Variants in RALYL observed in about 807,000 individuals in gnomAD.
RALYL encodes RNA-binding Raly-like protein.
A neutral mutation model predicts 35.1 loss-of-function variants in RALYL; 29 were observed. The ratio of observed to expected loss-of-function variants is 0.83; its 90% CI spans 0.61 to 1.13. The LOEUF (loss-of-function observed/expected upper bound fraction) is 1.13, where lower values mean the gene tolerates loss of function less well. Ranked by LOEUF, RALYL falls within the 50% of genes most tolerant of loss-of-function variation. RALYL has a pLI of 0.00. For synonymous variants in RALYL, 120 were observed against 127.6 expected (o/e 0.94, Z 0.40); for missense variants, 359 against 360.4 (o/e 1.00, Z 0.03).
intron 1 of RALYL, among the ~76,000 whole-genome samples, chr8:84,428,300 G>T (rs963116320): frequency 1.3e-5 from 2 of 152,106 alleles, no homozygotes; most frequent in African/African-American, 4.8e-5. Context: ...TAGCCAGATG[G>T]TCGTTAATCA....
chr8:84,473,443 T>G (rs2053032704), intron 1 of RALYL, among the ~76,000 whole-genome samples: 1 of 151,852 alleles, frequency 6.6e-6, no homozygotes, highest in South Asian at 2.1e-4. Context: ...TGAAAGTGAA[T>G]TCATGTAATT....
Position 84,774,609 on chromosome 8 carries a change from A to G in RALYL, c.287A>G (p.Tyr96Cys). ...DINMAGEPKP[Y>C]RPKPGNKRPL... is the part of the protein sequence containing the mutation. ...AACATGGCAGGAGAGCCCAAACCATACAGACCAAAACCTGGAAACAAGAGG... is the reference window on the plus strand; with the variant it reads ...AACATGGCAGGAGAGCCCAAACCATGCAGACCAAAACCTGGAAACAAGAGG... Residue 96 changes from tyrosine to cysteine, a missense_variant, in exon 3 of 9, where the codon TAC becomes TGC. Physicochemically the swap from Tyr to Cys is radical, Grantham distance 194. Transcript: ENST00000521268. 6.2e-7 allele frequency: 1 copy of G among 1,609,080 alleles called. No homozygotes were observed. Among genetic ancestry groups the G allele is most frequent in the South Asian group, 1.1e-5 (1 of 89,978 alleles).
In RALYL at chr8:84,732,907, T is replaced by C. The variant is rs1291870944; in HGVS notation, c.257-41672T>C. ...AGATGGGGTTTCACCATGTTGGCCA[T>C]GCTGGTCTAGAACTCCTGACCTCCA... On this transcript the variant is annotated intron_variant, in intron 2 of 8. Coordinates refer to ENST00000521268, the MANE Select transcript of RALYL (RefSeq NM_173848.7). Among the ~76,000 whole-genome samples, 5 of 151,692 alleles carry C rather than the reference T, an allele frequency of 3.3e-5. No homozygotes were observed. In the South Asian group the frequency reaches 6.2e-4, roughly 19 times the overall value.
intron 1 of RALYL, among the ~76,000 whole-genome samples, chr8:84,403,286 GT>G (rs1200674339): frequency 1.3e-5 from 2 of 151,600 alleles, no homozygotes; most frequent in Non-Finnish European, 2.9e-5. Context: ...GGTTTTTATG[GT>G]TTTACGTATT....
intron 8 of RALYL, among the ~76,000 whole-genome samples, chr8:84,897,525 C>CT (rs1256552791): frequency 2.0e-5 from 3 of 151,690 alleles, no homozygotes; most frequent in East Asian, 3.9e-4. Context: ...TTATGGCTTT[C>CT]TTTTTTTTAA....
chr8:84,529,609 A>G (rs745872053), intron 2 of RALYL, 32 bp downstream of exon 2: 2 of 1,585,288 alleles, frequency 1.3e-6, no homozygotes, highest in Non-Finnish European at 8.6e-7. Context: ...ATCTCACGTT[A>G]TTGTTCATAT....
chr8:84,352,275 T>G (rs901317567), intron 1 of RALYL, among the ~76,000 whole-genome samples: 1 of 150,248 alleles, frequency 6.7e-6, no homozygotes, highest in African/African-American at 2.5e-5. Flanking sequence ...CCAGTTATAC[T>G]CTTAAGTAAT....
intron 2 of RALYL, among the ~76,000 whole-genome samples, chr8:84,585,353 C>A (rs947497187): frequency 4.6e-5 from 7 of 151,888 alleles, no homozygotes; most frequent in African/African-American, 1.7e-4. Flanking sequence ...ATTGTGTGAG[C>A]CCATTAAATG....
At chr8:84,829,938 T>A (rs866127414) in intron 4 of RALYL, among the ~76,000 whole-genome samples, 4 of 141,876 alleles carry the variant, frequency 2.8e-5, no homozygotes, top group South Asian at 4.7e-4. Flanking sequence ...GCAGCACAAC[T>A]CATGCCTGAA....
intron 6 of RALYL, among the ~76,000 whole-genome samples, chr8:84,864,424 T>C (rs901642147): frequency 2.0e-5 from 3 of 152,182 alleles, no homozygotes; most frequent in African/African-American, 7.2e-5. Flanking sequence ...TAAAAAGATT[T>C]TGTAAGGACA....
In RALYL at chr8:84,382,860, G is replaced by A. The variant is rs540445619; in HGVS notation, c.-23-146439G>A. Among the ~76,000 whole-genome samples the A allele has an allele frequency of 1.4e-3, 208 of 151,722 alleles. 2 individuals are homozygous for A. The South Asian group carries it at 0.02, about 14-fold the overall frequency. ...TGAGCTTCTTTCGTAATAAAGACTC[G>A]TCAAATTTTCTACGTTATTTATCTT... On this transcript the variant is annotated intron_variant, in intron 1 of 8. Transcript: ENST00000521268.
At chr8:84,264,012 C>A (rs979799410) in intron 1 of RALYL, among the ~76,000 whole-genome samples, 47 of 152,148 alleles carry the variant, frequency 3.1e-4, no homozygotes, top group Admixed American at 1.3e-4. Flanking sequence ...TCCATTCTAT[C>A]ATTGATGGGC....
chr8:84,426,920 G>C lies in RALYL; in HGVS notation c.-23-102379G>C, dbSNP rs375046599. On this transcript the variant is annotated intron_variant, in intron 1 of 8. Transcript: ENST00000521268. ...GGAGGTTTCTAAATAAATTAAAAAT[G>C]GAACTACCATATGATCTTATGGGCA... Among the ~76,000 whole-genome samples, 19 of 152,186 alleles carry C rather than the reference G, an allele frequency of 1.2e-4. 2 individuals carry two copies. The South Asian group carries it at 3.3e-3, about 27-fold the overall frequency.
At chr8:84,747,866 A>T (rs1809004400) in intron 2 of RALYL, among the ~76,000 whole-genome samples, 1 of 151,994 alleles carries the variant, frequency 6.6e-6, no homozygotes, top group Non-Finnish European at 1.5e-5. Context: ...CCCCAAAAAA[A>T]TAACCTGGGA....
At chr8:84,673,561 G>A (rs1044849913) in intron 2 of RALYL, among the ~76,000 whole-genome samples, 2 of 152,242 alleles carry the variant, frequency 1.3e-5, no homozygotes, top group African/African-American at 4.8e-5. Flanking sequence ...TGTATATGAT[G>A]TAAGGAAGGG....
At chr8:84,442,265 T>C (rs1376648007) in intron 1 of RALYL, among the ~76,000 whole-genome samples, 1 of 152,140 alleles carries the variant, frequency 6.6e-6, no homozygotes, top group Non-Finnish European at 1.5e-5. Context: ...ATAGCTAAAT[T>C]TAAATGGTAA....
At chr8:84,468,063 A>G (rs2052003222) in intron 1 of RALYL, among the ~76,000 whole-genome samples, 1 of 150,148 alleles carries the variant, frequency 6.7e-6, no homozygotes, top group Non-Finnish European at 1.5e-5. Context: ...GGTTTCCTGA[A>G]TACAGCACAC....
chr8:84,789,151 A>C (rs762396277), intron 3 of RALYL, among the ~76,000 whole-genome samples: 7 of 152,222 alleles, frequency 4.6e-5, no homozygotes, highest in Non-Finnish European at 8.8e-5. Flanking sequence ...TAACTCAGAG[A>C]ATCTATCATC....
chr8:84,208,313 C>T (rs1475001766), intron 1 of RALYL, among the ~76,000 whole-genome samples: 3 of 152,002 alleles, frequency 2.0e-5, no homozygotes, highest in East Asian at 1.9e-4. Flanking sequence ...TCTTTAAATC[C>T]GATTTTTCTT....
Sources: gnomAD v4.1 joint callset for allele counts (sites outside exome capture counted in the v4.1 genomes callset) on GRCh38, gnomAD v4.1.1 for gene constraint, MANE v1.5 for transcripts, NCBI Gene and HGNC (gene_info 2026-07-23, HGNC 2026-07-21) for gene names.